Variants in LPXN observed in about 807,000 individuals in gnomAD.
LPXN encodes the protein leupaxin.
LPXN carries 28 observed loss-of-function variants against 45.6 expected under a neutral mutation model. That is an observed-to-expected ratio of 0.61 (90% confidence interval 0.45 to 0.84). The LOEUF (loss-of-function observed/expected upper bound fraction) is 0.84. Ranked by LOEUF, LPXN falls within the 40% of genes least tolerant of loss-of-function variation. LPXN has a pLI of 0.00. For synonymous variants in LPXN, 166 were observed against 169.9 expected (o/e 0.98, Z 0.18); for missense variants, 459 against 475.0 (o/e 0.97, Z 0.31).
chr11:58,564,249 A>T lies in LPXN; in HGVS notation c.172-48T>A, dbSNP rs76589764. On this transcript the variant is annotated intron_variant, in intron 2 of 8. Coordinates refer to ENST00000395074, the MANE Select transcript of LPXN (RefSeq NM_004811.3). ...GAAGAGCAAAGAATAAATTTTTGTT[A>T]TCAGAATGTTGAGGCTTAATGATAC... is the stretch of plus-strand genomic sequence containing the variant. The T allele has an allele frequency of 2.4e-3, 3,243 of 1,353,214 alleles. 72 individuals carry two copies. The African/African-American group carries it at 0.042, about 18-fold the overall frequency. The allele number at this position is 1,353,214 out of a possible 1,614,324, so 83.8% of individuals were successfully genotyped here.
chr11:58,570,611 T>G lies in LPXN; in HGVS notation c.116A>C (p.Asn39Thr). The change falls in exon 2 of 9, where the codon AAC (asparagine) becomes ACC (threonine). Residue 39 changes from asparagine (N) to threonine (T), a missense_variant. By Grantham distance (65) the Asn-to-Thr change is moderately conservative. Coordinates refer to ENST00000395074, the MANE Select transcript of LPXN (RefSeq NM_004811.3). ...PLDQHSRKET[N>T]LDETSEILSI... ...AAGGATCTCCGAAGTCTCATCAAGG[T>G]TAGTCTCCTTTCTGGAATGCTGATC... 3 of 1,613,664 alleles carry G rather than the reference T, an allele frequency of 1.9e-6. No homozygotes were observed. Among genetic ancestry groups the G allele is most frequent in the Non-Finnish European group, 2.5e-6 (3 of 1,179,824 alleles).
At chr11:58,574,257 A>G (rs768220787) in intron 1 of LPXN, among the ~76,000 whole-genome samples, 11 of 152,220 alleles carry the variant, frequency 7.2e-5, no homozygotes, top group African/African-American at 1.7e-4. Flanking sequence ...GCAAAACAAT[A>G]TAAGTTTCTG....
intron 7 of LPXN, among the ~76,000 whole-genome samples, chr11:58,535,751 G>C (rs145396584): frequency 2.0e-5 from 3 of 152,192 alleles, no homozygotes; most frequent in Admixed American, 1.3e-4. Flanking sequence ...CAGATGACAT[G>C]ATTGTATATT....
At chr11:58,565,603 C>A (rs1382696991) in intron 2 of LPXN, among the ~76,000 whole-genome samples, 6 of 151,842 alleles carry the variant, frequency 4.0e-5, no homozygotes, top group African/African-American at 1.5e-4. Context: ...TAAGATAATT[C>A]TATCCAAAAT....
intron 3 of LPXN, among the ~76,000 whole-genome samples, chr11:58,562,697 AG>A (rs1254761134): frequency 6.6e-6 from 1 of 152,208 alleles, no homozygotes; most frequent in Non-Finnish European, 1.5e-5. Context: ...TACCAGAGCT[AG>A]GGGCCCAAGT....
At chr11:58,550,911 G>A (rs1019977787) in intron 5 of LPXN, among the ~76,000 whole-genome samples, 154 bp downstream of exon 5, 13 of 152,190 alleles carry the variant, frequency 8.5e-5, no homozygotes. Flanking sequence ...GGAAATACTT[G>A]TAAAGCACTT....
chr11:58,527,931 ACATCCATTCCT>A, intron 8 of LPXN, 101 bp downstream of exon 8: 1 of 1,280,676 alleles, frequency 7.8e-7, no homozygotes, highest in South Asian at 1.4e-5. Flanking sequence ...TAGGATGCGC[ACATCCATTCCT>A]CATTCAGGAC....
intron 2 of LPXN, 104 bp downstream of exon 2, chr11:58,570,452 G>A (rs1391569562): frequency 4.8e-6 from 4 of 824,932 alleles, no homozygotes; most frequent in Non-Finnish European, 7.3e-6. Flanking sequence ...TCTCTTTCTT[G>A]GATATATTAT....
At chr11:58,550,243 C>CT (rs1854009669) in intron 5 of LPXN, 97 bp from the exon 6 acceptor site, 1 of 1,140,326 alleles carries the variant, frequency 8.8e-7, no homozygotes, top group African/African-American at 1.5e-5. Context: ...CATTGTACCC[C>CT]TTGTAGACAA....
chr11:58,568,259 A>G (rs1854581472), intron 2 of LPXN, among the ~76,000 whole-genome samples: 1 of 152,210 alleles, frequency 6.6e-6, no homozygotes, highest in Non-Finnish European at 1.5e-5. Flanking sequence ...GAACAGAATC[A>G]AGAAAAAAGA....
chr11:58,542,613 T>A (rs1293048276), intron 7 of LPXN, among the ~76,000 whole-genome samples: 2 of 152,036 alleles, frequency 1.3e-5, no homozygotes, highest in African/African-American at 2.4e-5. Context: ...GTTTCCAATG[T>A]TTGGAACTAT....
At chr11:58,548,362 G>A (rs748127572) in intron 7 of LPXN, among the ~76,000 whole-genome samples, 11 of 151,596 alleles carry the variant, frequency 7.3e-5, no homozygotes, top group Non-Finnish European at 1.5e-4. Flanking sequence ...CTAAGTTAAT[G>A]AACCAGAATG....
At chr11:58,571,424 T>C (rs1854695614) in intron 1 of LPXN, among the ~76,000 whole-genome samples, 1 of 151,990 alleles carries the variant, frequency 6.6e-6, no homozygotes, top group Admixed American at 6.5e-5. Flanking sequence ...AGCAATTATA[T>C]TACCATTTTT....
Position 58,542,209 on chromosome 11 carries a change from GA to G in LPXN, c.742+7576del, listed in dbSNP as rs538223262. ...GTATAATAATAATAAAAATAGAAAA[GA>G]AAAAAAATAATAATATGTTGGACAT... On this transcript the variant is annotated intron_variant, in intron 7 of 8. Transcript: ENST00000395074. 2.8e-3 allele frequency among the ~76,000 whole-genome samples: 410 copies of G among 148,246 alleles called. 1 individual carries two copies. Among genetic ancestry groups the G allele is most frequent in the African/African-American group, 9.4e-3 (375 of 40,008 alleles).
Position 58,527,652 on chromosome 11 carries a change from G to C in LPXN, c.963C>G (p.Tyr321Ter). The part of the protein sequence containing the change: ...LDGRPFCELH[Y>*]HHRRGTLCHG... The stretch of plus-strand genomic sequence containing the variant: ...GGCAGAGCGTTCCCCGGCGGTGATG[G>C]TAATGGAGCTCACAGAATGGACGTC... Residue 321 changes from tyrosine to a stop codon, truncating the protein, a stop_gained, in exon 9 of 9, where the codon TAC (tyrosine) becomes TAG (stop). Coordinates refer to ENST00000395074, the MANE Select transcript of LPXN (RefSeq NM_004811.3). LOFTEE classifies it high-confidence loss of function. The C allele has an allele frequency of 6.2e-7, 1 of 1,614,150 alleles. No homozygotes were observed. Among genetic ancestry groups the C allele is most frequent in the South Asian group, 1.1e-5 (1 of 91,082 alleles).
At chr11:58,575,902 G>T, upstream of LPXN, 6 of 1,536,346 alleles carry the variant, frequency 3.9e-6, no homozygotes, top group East Asian at 2.4e-5. Context: ...TTTGGTTCCT[G>T]TATTTGCTTA....
chr11:58,543,201 C>T (rs1375934718), intron 7 of LPXN, among the ~76,000 whole-genome samples: 1 of 152,160 alleles, frequency 6.6e-6, no homozygotes, highest in East Asian at 1.9e-4. Flanking sequence ...AGGGCAAGAA[C>T]TTTCCTTTTT....
chr11:58,551,828 A>T (rs922989443), intron 4 of LPXN, among the ~76,000 whole-genome samples: 2 of 152,236 alleles, frequency 1.3e-5, no homozygotes, highest in African/African-American at 4.8e-5. Flanking sequence ...CCCTCTAAGG[A>T]AGTAATATTT....
chr11:58,570,106 C>A (rs1052870553), intron 2 of LPXN, among the ~76,000 whole-genome samples: 3 of 152,066 alleles, frequency 2.0e-5, no homozygotes, highest in Non-Finnish European at 4.4e-5. Context: ...GAGTTTGAGA[C>A]CAGCCTGGCC....
Sources: gnomAD v4.1 joint callset for allele counts (sites outside exome capture counted in the v4.1 genomes callset) on GRCh38, gnomAD v4.1.1 for gene constraint, MANE v1.5 for transcripts, NCBI Gene and HGNC (gene_info 2026-07-23, HGNC 2026-07-21) for gene names.